Variants in CNPY2 observed in about 807,000 individuals in gnomAD.
The protein encoded by CNPY2 is canopy FGF signaling regulator 2.
CNPY2 carries 19 observed loss-of-function variants against 25.5 expected under a neutral mutation model. The observed-to-expected ratio is 0.74, with a 90% CI of 0.52 to 1.09. The LOEUF (loss-of-function observed/expected upper bound fraction) is 1.09. Among genes scored for constraint, CNPY2 ranks in the 50% least tolerant of loss-of-function variants. The pLI, the probability that CNPY2 is intolerant of heterozygous loss-of-function variation, is 0.00. For synonymous variants in CNPY2, 82 were observed against 85.0 expected (o/e 0.96, Z 0.19); for missense variants, 214 against 233.6 (o/e 0.92, Z 0.55).
At position 56,310,461 on chromosome 12, in the gene CNPY2, T is replaced by C. The variant is rs1375847930; in HGVS notation, c.*91A>G. ...TTTGGTTTCATATTTTTTCAGTTAATTTCAGTAAAAACATAATATATAAAA... is the reference window on the plus strand; with the variant it reads ...TTTGGTTTCATATTTTTTCAGTTAACTTCAGTAAAAACATAATATATAAAA... On this transcript the variant is annotated 3_prime_UTR_variant, in exon 6 of 6. Transcript: ENST00000273308. 1.4e-5 allele frequency: 18 copies of C among 1,319,430 alleles called. No homozygotes were observed. The highest frequency in any genetic ancestry group is 2.0e-5 in the Non-Finnish European group (18 of 920,542). The allele number at this position is 1,319,430 out of a possible 1,614,324, so 81.7% of individuals were successfully genotyped here. A position where few individuals can be genotyped will look rare whatever the true frequency, so the allele number is the denominator to read the frequency against.
intron 1 of CNPY2, 129 bp from the exon 2 acceptor site, chr12:56,315,371 C>T (rs551230740): frequency 2.7e-5 from 17 of 622,714 alleles, no homozygotes; most frequent in South Asian, 2.4e-4. Context: ...AGGAAATGGC[C>T]GGGACACAAA....
chr12:56,309,991 T>C lies in CNPY2; in HGVS notation c.*561A>G, dbSNP rs1329276685. The C allele has an allele frequency of 1.0e-5, 7 of 702,154 alleles. No individual in the cohort carries two copies. Among genetic ancestry groups the C allele is most frequent in the Non-Finnish European group, 1.8e-5 (7 of 384,794 alleles). The allele number at this position is 702,154 out of a possible 1,614,324, so 43.5% of individuals were successfully genotyped here. A position where few individuals can be genotyped will look rare whatever the true frequency, so the allele number is the denominator to read the frequency against. On this transcript the variant is annotated 3_prime_UTR_variant, in exon 6 of 6. Coordinates refer to ENST00000273308, the MANE Select transcript of CNPY2 (RefSeq NM_014255.7). ...TTTTCAGCTGAGTTGGTCACATCCA[T>C]TTTCCCCTTCCTGTCTCTGTTCTTG... is the stretch of plus-strand genomic sequence containing the variant.
At position 56,315,117 on chromosome 12, in the gene CNPY2, G is replaced by T; in HGVS notation, c.88+13C>A. ...TCTGCTTCCTCCACTTCTTTTTCCC[G>T]TTGTGCCTTTACCTCCACAGTGGAG... On this transcript the variant is annotated intron_variant, in intron 2 of 5. Transcript: ENST00000273308. 2.5e-6 allele frequency: 4 copies of T among 1,612,790 alleles called. No homozygotes were observed. The highest frequency in any genetic ancestry group is 3.4e-6 in the Non-Finnish European group (4 of 1,178,812).
intron 5 of CNPY2, 152 bp downstream of exon 5, chr12:56,310,806 G>A (rs1873692636): frequency 1.2e-6 from 1 of 838,932 alleles, no homozygotes; most frequent in East Asian, 2.6e-5. Flanking sequence ...CAGAAAATGT[G>A]GAGGAACACC....
intron 3 of CNPY2, chr12:56,314,405 T>A: frequency 9.8e-7 from 1 of 1,024,110 alleles, no homozygotes; most frequent in African/African-American, 1.7e-5. Context: ...ATCTTAACAC[T>A]GCCTTATATA....
rs539167159 is a variant in CNPY2 at position 56,314,660 on chromosome 12, G to C, written c.204+191C>G. 4 of 1,443,892 alleles carry C rather than the reference G, an allele frequency of 2.8e-6. No homozygotes were observed. In the South Asian group the frequency reaches 4.4e-5, roughly 16 times the overall value. The allele number at this position is 1,443,892 out of a possible 1,614,324, so 89.4% of individuals were successfully genotyped here. ...TAACAAATTCTACAGCAGAAACAAA[G>C]TATTAAGGTTTGCAGCCAGGAAGCA... On this transcript the variant is annotated intron_variant, in intron 3 of 5. Transcript: ENST00000273308.
chr12:56,311,748 C>T (rs1873723401), intron 3 of CNPY2: 1 of 361,182 alleles, frequency 2.8e-6, no homozygotes, highest in Non-Finnish European at 5.3e-6. Context: ...GATGGGGTTT[C>T]TCTGTGTTGG....
At chr12:56,314,374 G>T in intron 3 of CNPY2, 1 of 936,668 alleles carries the variant, frequency 1.1e-6, no homozygotes, top group Non-Finnish European at 1.3e-6. Context: ...GTTTTGCCAT[G>T]ATGCCCAGGC....
In CNPY2 at chr12:56,309,901, C is replaced by A; in HGVS notation, c.*651G>T. ...CATCAAATTTAAAAGCTTAGGCTGG[C>A]AAGCAAGGCCTCTCATTAAACAACC... On this transcript the variant is annotated 3_prime_UTR_variant, in exon 6 of 6. Coordinates refer to ENST00000273308, the MANE Select transcript of CNPY2 (RefSeq NM_014255.7). 1.4e-6 allele frequency: 1 copy of A among 702,064 alleles called. No individual in the cohort carries two copies. Among genetic ancestry groups the A allele is most frequent in the South Asian group, 1.5e-5 (1 of 67,548 alleles). 43.5% of individuals were successfully genotyped at this position (702,064 alleles called of 1,614,324 possible).
Position 56,310,426 on chromosome 12 carries a change from A to T in CNPY2, c.*126T>A, listed in dbSNP as rs547651692. Reference sequence around the variant, plus strand: ...AATTCCAGGCATGAAAAGACAACACAGTTTGTACTTTTGGTTTCATATTTT... The same window carrying T: ...AATTCCAGGCATGAAAAGACAACACTGTTTGTACTTTTGGTTTCATATTTT... On this transcript the variant is annotated 3_prime_UTR_variant, in exon 6 of 6. Transcript: ENST00000273308. 6 of 912,658 alleles carry T rather than the reference A, an allele frequency of 6.6e-6. No homozygotes were observed. The East Asian group carries it at 7.8e-5, about 12-fold the overall frequency. 56.5% of individuals were successfully genotyped at this position (912,658 alleles called of 1,614,324 possible). A position where few individuals can be genotyped will look rare whatever the true frequency, so the allele number is the denominator to read the frequency against.
rs1873718369 is a variant in CNPY2, at chr12:56,311,590, T to C, written c.205-176A>G. The C allele has an allele frequency of 1.4e-5, 10 of 723,406 alleles. No homozygotes were observed. In the South Asian group the frequency reaches 1.6e-4, roughly 11 times the overall value. 44.8% of individuals were successfully genotyped at this position (723,406 alleles called of 1,614,324 possible). On this transcript the variant is annotated intron_variant, in intron 3 of 5. Transcript: ENST00000273308. Reference sequence around the variant, plus strand: ...TTTTGAGATGGGGTTTTGCTCTTGTTGCCCAGGCTGGAGTGCATTGGCGCC... The same window carrying C: ...TTTTGAGATGGGGTTTTGCTCTTGTCGCCCAGGCTGGAGTGCATTGGCGCC...
At position 56,309,990 on chromosome 12, in the gene CNPY2, A is replaced by C; in HGVS notation, c.*562T>G. 1 of 702,168 alleles carries C rather than the reference A, an allele frequency of 1.4e-6. No homozygotes were observed. The highest frequency in any genetic ancestry group is 2.6e-6 in the Non-Finnish European group (1 of 384,782). The allele number at this position is 702,168 out of a possible 1,614,324, so 43.5% of individuals were successfully genotyped here. On this transcript the variant is annotated 3_prime_UTR_variant, in exon 6 of 6. Transcript: ENST00000273308. ...CTTTTCAGCTGAGTTGGTCACATCC[A>C]TTTTCCCCTTCCTGTCTCTGTTCTT... is the stretch of plus-strand genomic sequence containing the variant.
intron 5 of CNPY2, 39 bp from the exon 6 acceptor site, chr12:56,310,634 C>T (rs2135934661): frequency 6.2e-7 from 1 of 1,609,600 alleles, no homozygotes; most frequent in Non-Finnish European, 8.5e-7. Flanking sequence ...ATGCCATTCT[C>T]ATACTGATAT....
rs144361173 is a variant in CNPY2 at position 56,315,331 on chromosome 12, G to A, written c.-25-89C>T. 3 of 713,072 alleles carry A rather than the reference G, an allele frequency of 4.2e-6. No homozygotes were observed. The African/African-American group carries it at 5.3e-5, about 13-fold the overall frequency. 44.2% of individuals were successfully genotyped at this position (713,072 alleles called of 1,614,324 possible). On this transcript the variant is annotated intron_variant, in intron 1 of 5. Transcript: ENST00000273308. The stretch of plus-strand genomic sequence containing the variant: ...CAATCCTCACCCCAAGGCTTTCAAA[G>A]GCCTCATTGTGACTCTGGCTCTACT...
rs1297787497 is a variant in CNPY2, at chr12:56,310,343, C to T, written c.*209G>A. The T allele has an allele frequency of 8.2e-6, 5 of 608,528 alleles. No homozygotes were observed. In the Admixed American group the frequency reaches 1.5e-4, roughly 18 times the overall value. The allele number at this position is 608,528 out of a possible 1,614,324, so 37.7% of individuals were successfully genotyped here. A position where few individuals can be genotyped will look rare whatever the true frequency, so the allele number is the denominator to read the frequency against. On this transcript the variant is annotated 3_prime_UTR_variant, in exon 6 of 6. Coordinates refer to ENST00000273308, the MANE Select transcript of CNPY2 (RefSeq NM_014255.7). Reference sequence around the variant, plus strand: ...TGTATCAATCCCAAAACTCTTCTTTCTCCTCCATTATCTTTCCTGTCTATA... The same window carrying T: ...TGTATCAATCCCAAAACTCTTCTTTTTCCTCCATTATCTTTCCTGTCTATA...
rs561953670 is a variant in CNPY2, at chr12:56,315,912, T to C, written c.-117A>G. The C allele has an allele frequency of 6.5e-6, 1 of 153,066 alleles. No homozygotes were observed. The highest frequency in any genetic ancestry group is 1.5e-5 in the Non-Finnish European group (1 of 68,692). 9.5% of individuals were successfully genotyped at this position (153,066 alleles called of 1,614,324 possible). ...AGTGGCTCCCGAAACTACACCTGGC[T>C]GCAGGGAGCAGGGCTGTCCGGGATT... On this transcript the variant is annotated 5_prime_UTR_variant, in exon 1 of 6. Coordinates refer to ENST00000273308, the MANE Select transcript of CNPY2 (RefSeq NM_014255.7).
intron 3 of CNPY2, chr12:56,314,618 C>G (rs1873828123): frequency 5.7e-6 from 8 of 1,396,294 alleles, no homozygotes; most frequent in Admixed American, 5.8e-5. Flanking sequence ...GGGTGCTGAT[C>G]AGGACTCCCT....
chr12:56,311,167 A>AC (rs1452583772), intron 4 of CNPY2, 44 bp downstream of exon 4: 1 of 1,608,108 alleles, frequency 6.2e-7, no homozygotes, highest in African/African-American at 1.3e-5. Context: ...TTCTCCAACA[A>AC]CCCCTTAATG....
rs1873921085 is a variant in CNPY2 at position 56,315,925 on chromosome 12, G to T, written c.-130C>A. ...ACTACACCTGGCTGCAGGGAGCAGG[G>T]CTGTCCGGGATTCTCCAGAGCGCTT... On this transcript the variant is annotated 5_prime_UTR_variant, in exon 1 of 6. Transcript: ENST00000273308. The T allele has an allele frequency of 6.6e-6, 1 of 152,656 alleles. No individual in the cohort carries two copies. The highest frequency in any genetic ancestry group is 2.4e-5 in the African/African-American group (1 of 41,450). The allele number at this position is 152,656 out of a possible 1,614,324, so 9.5% of individuals were successfully genotyped here.
Sources: allele counts gnomAD v4.1 joint callset, GRCh38; gene constraint gnomAD v4.1.1; transcripts MANE v1.5; gene names NCBI Gene and HGNC (gene_info 2026-07-23, HGNC 2026-07-21).